SLC28A3: variants seen among roughly 807,000 people sequenced by gnomAD.
The protein encoded by SLC28A3 is solute carrier family 28 member 3.
In SLC28A3, 68 loss-of-function variants were observed where a neutral mutation model predicts 84.2. That is an observed-to-expected ratio of 0.81 (90% confidence interval 0.66 to 0.99). SLC28A3 has a LOEUF of 0.99. Among genes scored for constraint, SLC28A3 ranks in the 50% least tolerant of loss-of-function variants. The pLI is 0.00. For synonymous variants in SLC28A3, 267 were observed against 303.6 expected (o/e 0.88, Z 1.25); for missense variants, 712 against 841.5 (o/e 0.85, Z 1.90).
At chr9:84,339,927 C>G (rs1026708021) in intron 1 of SLC28A3, among the ~76,000 whole-genome samples, 1 of 152,180 alleles carries the variant, frequency 6.6e-6, no homozygotes, top group African/African-American at 2.4e-5. Flanking sequence ...GCAGGCTTCC[C>G]ATCTTCTCCA....
chr9:84,334,862 T>C (rs1826914751), intron 1 of SLC28A3, among the ~76,000 whole-genome samples: 1 of 152,146 alleles, frequency 6.6e-6, no homozygotes. Flanking sequence ...CCTCACTCTA[T>C]AGACTCCTCT....
chr9:84,340,779 C>G (rs1006922119), upstream of SLC28A3: 1 of 792,130 alleles, frequency 1.3e-6, no homozygotes, highest in African/African-American at 1.7e-5. Flanking sequence ...GCAATAATCT[C>G]CTGAATGACT....
chr9:84,320,603 C>T (rs991366085), intron 1 of SLC28A3, among the ~76,000 whole-genome samples: 2 of 152,106 alleles, frequency 1.3e-5, no homozygotes, highest in African/African-American at 4.8e-5. Context: ...GGGGCTCTGT[C>T]CAACAAATAT....
intron 2 of SLC28A3, 29 bp from the exon 3 acceptor site, chr9:84,309,743 G>T: frequency 6.3e-7 from 1 of 1,597,816 alleles, no homozygotes; most frequent in East Asian, 2.2e-5. Flanking sequence ...AGCAGAGATG[G>T]AATAATGAGC....
At position 84,290,207 on chromosome 9, in the gene SLC28A3, C is replaced by A. The variant is rs140138960; in HGVS notation, c.1096G>T (p.Ala366Ser). The A allele has an allele frequency of 6.2e-7, 1 of 1,614,032 alleles. No homozygotes were observed. Among genetic ancestry groups the A allele is most frequent in the East Asian group, 2.2e-5 (1 of 44,870 alleles). ...CTTCCAGCAATGGTAGAGAACCCGG[C>A]GGTCATGATGGCGTGGAGTTCAGAC... ...TKSELHAIMT[A>S]GFSTIAGSVL... is the part of the protein sequence containing the mutation. The change falls in exon 11 of 18, where the codon GCC (alanine) becomes TCC (serine). Residue 366 changes from alanine to serine, a missense_variant. By Grantham distance (99) the Ala-to-Ser change is moderately conservative. Transcript: ENST00000376238.
chr9:84,317,596 T>TC (rs1014552727), intron 1 of SLC28A3, among the ~76,000 whole-genome samples: 13 of 152,292 alleles, frequency 8.5e-5, no homozygotes, highest in Admixed American at 2.0e-4. Context: ...TGGGGGTTTT[T>TC]CTGCTGCAGA....
upstream of SLC28A3, among the ~76,000 whole-genome samples, chr9:84,342,113 G>A (rs181819223): frequency 7.8e-6 from 1 of 128,758 alleles, no homozygotes; most frequent in East Asian, 2.3e-4. Flanking sequence ...GGATGACAGA[G>A]TGAGACCCTG....
At chr9:84,310,042 C>G (rs1359278189) in intron 2 of SLC28A3, among the ~76,000 whole-genome samples, 1 of 152,176 alleles carries the variant, frequency 6.6e-6, no homozygotes, top group East Asian at 1.9e-4. Flanking sequence ...CTGTTTTCAG[C>G]CAAGTACTAA....
intron 1 of SLC28A3, among the ~76,000 whole-genome samples, chr9:84,336,296 G>A (rs1260821688): frequency 1.3e-5 from 2 of 152,100 alleles, no homozygotes; most frequent in Non-Finnish European, 2.9e-5. Flanking sequence ...GAGGTCAGGA[G>A]TTTGAGACCA....
At chr9:84,309,544 A>AAAAT in intron 3 of SLC28A3, 85 bp downstream of exon 3, 1 of 845,574 alleles carries the variant, frequency 1.2e-6, no homozygotes, top group Non-Finnish European at 1.8e-6. Flanking sequence ...AAAAAAAAAA[A>AAAAT]AAAAGAAATC....
At chr9:84,319,494 GTCTC>G (rs910952334) in intron 1 of SLC28A3, among the ~76,000 whole-genome samples, 18 of 152,050 alleles carry the variant, frequency 1.2e-4, no homozygotes, top group South Asian at 4.2e-4. Flanking sequence ...GTGAACCCTT[GTCTC>G]TCTATTTTTT....
At chr9:84,332,170 CCTGTTGTT>C (rs1245042690) in intron 1 of SLC28A3, among the ~76,000 whole-genome samples, 1 of 152,008 alleles carries the variant, frequency 6.6e-6, no homozygotes, top group Non-Finnish European at 1.5e-5. Context: ...AGCATAATAC[CCTGTTGTT>C]CTCAACAATG....
At position 84,309,632 on chromosome 9, in the gene SLC28A3, T is replaced by C. The variant is rs756423598; in HGVS notation, c.239A>G (p.Lys80Arg). 11 of 1,613,274 alleles carry C rather than the reference T, an allele frequency of 6.8e-6. No homozygotes were observed. In the East Asian group the frequency reaches 2.2e-4, roughly 33 times the overall value. Residue 80 changes from lysine (K) to arginine (R), a missense_variant, in exon 3 of 18, where the codon AAA becomes AGA. Coordinates refer to ENST00000376238, the MANE Select transcript of SLC28A3 (RefSeq NM_001199633.2). The part of the protein sequence containing the change: ...MEDDDEEMQQ[K>R]GCLERRYDTV... ...TTCCCTGTTTTAAAGACTGTACCCT[T>C]TTTGTTGCATCTCCTCATCATCATC... is the stretch of plus-strand genomic sequence containing the variant.
chr9:84,305,284 G>C lies in SLC28A3; in HGVS notation c.304C>G (p.Arg102Gly). Reference protein sequence around the residue: ...GFCRKHKTTLRHIIWGILLAG... With the variant: ...GFCRKHKTTLGHIIWGILLAG... ...AATAAAATGCCCCAGATGATGTGCC[G>C]AAGAGTTGTTTTGTGTTTCCTACAG... The change falls in exon 4 of 18, where the codon CGG becomes GGG. Residue 102 changes from arginine (R) to glycine (G), a missense_variant. Physicochemically the swap from Arg to Gly is moderately radical, Grantham distance 125. Coordinates refer to ENST00000376238, the MANE Select transcript of SLC28A3 (RefSeq NM_001199633.2). 6.2e-7 allele frequency: 1 copy of C among 1,612,366 alleles called. No individual in the cohort carries two copies. Among genetic ancestry groups the C allele is most frequent in the Non-Finnish European group, 8.5e-7 (1 of 1,179,826 alleles).
intron 1 of SLC28A3, among the ~76,000 whole-genome samples, chr9:84,337,751 T>C (rs1455600490): frequency 6.6e-6 from 1 of 152,148 alleles, no homozygotes; most frequent in East Asian, 1.9e-4. Context: ...AATAAGTTCC[T>C]TATTCATAGA....
chr9:84,315,492 C>T (rs1310793611), intron 1 of SLC28A3, among the ~76,000 whole-genome samples: 1 of 122,746 alleles, frequency 8.1e-6, no homozygotes, highest in Non-Finnish European at 1.5e-5. Context: ...ACTGGTGGAA[C>T]ACGGGTGGAT....
At chr9:84,342,832 A>G (rs1827192088), upstream of SLC28A3, among the ~76,000 whole-genome samples, 1 of 152,140 alleles carries the variant, frequency 6.6e-6, no homozygotes, top group Admixed American at 6.5e-5. Flanking sequence ...CATTCTAGGA[A>G]CAGAAAGGCA....
chr9:84,365,177 G>T, the SLC28A3 span, among the ~76,000 whole-genome samples: 1 of 152,080 alleles, frequency 6.6e-6, no homozygotes, highest in Non-Finnish European at 1.5e-5. Flanking sequence ...ATTCTCACCA[G>T]CATTTGTTAT....
chr9:84,311,351 T>C (rs755054031), intron 2 of SLC28A3, among the ~76,000 whole-genome samples: 11 of 152,174 alleles, frequency 7.2e-5, no homozygotes, highest in Non-Finnish European at 1.5e-4. Flanking sequence ...TTTTCATGTA[T>C]TGTCTACCCA....
Sources: allele counts gnomAD v4.1 joint callset (sites outside exome capture counted in the v4.1 genomes callset), GRCh38; gene constraint gnomAD v4.1.1; transcripts MANE v1.5; gene names NCBI Gene and HGNC (gene_info 2026-07-23, HGNC 2026-07-21).